The following OSMR variants were observed in gnomAD, a reference collection of about 807,000 sequenced individuals.
OSMR encodes the protein oncostatin M receptor.
Under a neutral mutation model 99.9 loss-of-function variants are expected in OSMR, and 81 were observed. The observed-to-expected ratio is 0.81, with a 90% CI of 0.68 to 0.97. OSMR has a LOEUF of 0.97. OSMR is among the 50% of genes least tolerant of loss of function. The pLI, the probability that OSMR is intolerant of heterozygous loss-of-function variation, is 0.00. For synonymous variants in OSMR, 406 were observed against 410.4 expected (o/e 0.99, Z 0.13); for missense variants, 1,099 against 1,153.4 (o/e 0.95, Z 0.68).
intron 1 of OSMR, among the ~76,000 whole-genome samples, chr5:38,858,058 G>A (rs533547971): frequency 5.9e-5 from 9 of 152,276 alleles, no homozygotes; most frequent in South Asian, 4.1e-4. Flanking sequence ...CATAAAATGC[G>A]TAGTAATTAA....
intron 9 of OSMR, among the ~76,000 whole-genome samples, chr5:38,913,903 C>T (rs1383880412): frequency 1.3e-5 from 2 of 152,176 alleles, no homozygotes; most frequent in Admixed American, 1.3e-4. Flanking sequence ...CATTTGTTTG[C>T]AATGTGTCAT....
intron 7 of OSMR, among the ~76,000 whole-genome samples, chr5:38,895,197 A>T (rs1744427630): frequency 6.6e-6 from 1 of 152,074 alleles, no homozygotes. Flanking sequence ...AACTAGAAAA[A>T]CAAGAACAAA....
chr5:38,858,317 CTT>C (rs79742677), intron 1 of OSMR, among the ~76,000 whole-genome samples: 71 of 139,504 alleles, frequency 5.1e-4, no homozygotes, highest in Non-Finnish European at 5.3e-4. Flanking sequence ...ATGAGATCCA[CTT>C]TTTTTTTTTT....
intron 7 of OSMR, among the ~76,000 whole-genome samples, chr5:38,901,029 A>G (rs191973510): frequency 1.0e-3 from 156 of 152,370 alleles, no homozygotes; most frequent in Non-Finnish European, 1.6e-3. Flanking sequence ...TCTTCTGACA[A>G]CATGGCTAGG....
At chr5:38,871,695 A>T (rs746870385) in intron 2 of OSMR, among the ~76,000 whole-genome samples, 3 of 152,216 alleles carry the variant, frequency 2.0e-5, no homozygotes, top group Non-Finnish European at 4.4e-5. Flanking sequence ...ACAGATAGAG[A>T]TAGGGAGATG....
chr5:38,873,952 C>T (rs952956703), intron 2 of OSMR, among the ~76,000 whole-genome samples: 16 of 151,964 alleles, frequency 1.1e-4, no homozygotes, highest in Admixed American at 1.3e-4. Context: ...CCTATGTCAG[C>T]CTCTTGAGTA....
intron 7 of OSMR, among the ~76,000 whole-genome samples, chr5:38,888,368 G>C (rs547664338): frequency 7.4e-6 from 1 of 135,082 alleles, no homozygotes; most frequent in East Asian, 2.5e-4. Flanking sequence ...TGTTTGGGTG[G>C]ACCCAGTTTG....
intron 16 of OSMR, among the ~76,000 whole-genome samples, 190 bp from the exon 17 acceptor site, chr5:38,932,273 C>T (rs991702867): frequency 6.6e-6 from 1 of 152,178 alleles, no homozygotes; most frequent in African/African-American, 2.4e-5. Flanking sequence ...ATTTAATCCT[C>T]ATGGGGACAC....
At chr5:38,921,873 C>A (rs1746252750) in intron 12 of OSMR, 79 bp downstream of exon 12, 1 of 1,208,980 alleles carries the variant, frequency 8.3e-7, no homozygotes, top group Non-Finnish European at 1.2e-6. Flanking sequence ...GACTACTTCA[C>A]AGACTTTGAC....
chr5:38,876,423 A>G (rs764848556), intron 3 of OSMR, 50 bp downstream of exon 3: 1 of 1,484,556 alleles, frequency 6.7e-7, no homozygotes, highest in South Asian at 1.2e-5. Context: ...TTAAAAAAAG[A>G]CACCTTGGTT....
At chr5:38,870,661 A>G (rs7708628) in intron 2 of OSMR, among the ~76,000 whole-genome samples, 42,687 of 152,194 alleles carry the variant, frequency 0.28, 6,460 homozygotes, top group East Asian at 0.59. Flanking sequence ...AATAAGGACA[A>G]GCTTTCCTCC....
At chr5:38,905,051 T>C (rs1304406962) in intron 9 of OSMR, among the ~76,000 whole-genome samples, 1 of 152,204 alleles carries the variant, frequency 6.6e-6, no homozygotes. Flanking sequence ...CAAATGGGCC[T>C]CAGGAGATTT....
intron 1 of OSMR, 107 bp from the exon 2 acceptor site, chr5:38,868,925 A>G (rs1742155657): frequency 3.9e-6 from 5 of 1,280,914 alleles, no homozygotes; most frequent in South Asian, 1.4e-5. Flanking sequence ...CAGGGAAGGG[A>G]GAAGTATGGG....
intron 3 of OSMR, among the ~76,000 whole-genome samples, chr5:38,880,126 T>C (rs1378482497): frequency 6.6e-6 from 1 of 152,124 alleles, no homozygotes; most frequent in Admixed American, 6.5e-5. Flanking sequence ...TGGACCAGGA[T>C]GTTTTCAGCC....
intron 5 of OSMR, chr5:38,885,053 C>T: frequency 3.4e-6 from 1 of 294,272 alleles, no homozygotes; most frequent in Non-Finnish European, 5.0e-6. Flanking sequence ...GAAACATTGG[C>T]AGGCACTGGG....
intron 1 of OSMR, among the ~76,000 whole-genome samples, chr5:38,867,297 G>C (rs769196962): frequency 1.2e-4 from 18 of 152,160 alleles, no homozygotes; most frequent in Non-Finnish European, 2.1e-4. Flanking sequence ...GACCACCCTA[G>C]AATAATTTGA....
chr5:38,881,939 T>A (rs958542888), intron 4 of OSMR, among the ~76,000 whole-genome samples, 175 bp downstream of exon 4: 2 of 152,246 alleles, frequency 1.3e-5, no homozygotes. Flanking sequence ...CTGGAAGATA[T>A]AGTCTGAAGT....
chr5:38,924,883 T>TTTC, intron 14 of OSMR, among the ~76,000 whole-genome samples: 1 of 152,094 alleles, frequency 6.6e-6, no homozygotes, highest in South Asian at 2.1e-4. Flanking sequence ...TCCTCTTTTT[T>TTTC]TTTTCACTTT....
At chr5:38,891,954 C>T (rs887926253) in intron 7 of OSMR, among the ~76,000 whole-genome samples, 2 of 152,112 alleles carry the variant, frequency 1.3e-5, no homozygotes, top group Non-Finnish European at 2.9e-5. Flanking sequence ...CCACCCCTGC[C>T]GCCCTTCTCC....
Sources: gnomAD v4.1 joint callset for allele counts (sites outside exome capture counted in the v4.1 genomes callset) on GRCh38, gnomAD v4.1.1 for gene constraint, MANE v1.5 for transcripts, NCBI Gene and HGNC (gene_info 2026-07-23, HGNC 2026-07-21) for gene names.